The following PPP1R13L variants were observed in gnomAD, a reference collection of about 807,000 sequenced individuals.
PPP1R13L encodes the protein protein phosphatase 1 regulatory subunit 13 like, also known as relA-associated inhibitor.
In PPP1R13L, 50 loss-of-function variants were observed where a neutral mutation model predicts 80.9. The ratio of observed to expected loss-of-function variants is 0.62; its 90% confidence interval spans 0.49 to 0.78. The LOEUF (loss-of-function observed/expected upper bound fraction) is 0.78, where lower values mean the gene tolerates loss of function less well. Among genes scored for constraint, PPP1R13L ranks in the 30% least tolerant of loss-of-function variants. The pLI, the probability that PPP1R13L is intolerant of heterozygous loss-of-function variation, is 0.00. For missense variants in PPP1R13L, 1,200 were observed against 1,205.9 expected (o/e 1.00, Z 0.07); for synonymous variants, 602 against 534.3 (o/e 1.13, Z -1.75).
chr19:45,384,597 A>G (rs530282843), intron 11 of PPP1R13L, among the ~76,000 whole-genome samples: 2 of 151,948 alleles, frequency 1.3e-5, no homozygotes, highest in South Asian at 4.2e-4. Context: ...TCACACCTGA[A>G]TCTTAGCACT....
chr19:45,400,300 G>C (rs1469077734), intron 1 of PPP1R13L, among the ~76,000 whole-genome samples: 2 of 151,922 alleles, frequency 1.3e-5, no homozygotes, highest in Admixed American at 6.6e-5. Context: ...CACTGGCCCA[G>C]TGGGAGGGAG....
chr19:45,402,347 G>A (rs924327038), intron 1 of PPP1R13L, among the ~76,000 whole-genome samples: 5 of 152,226 alleles, frequency 3.3e-5, no homozygotes, highest in African/African-American at 1.2e-4. Context: ...ATCTCCCAAA[G>A]TATTGGGATT....
At position 45,395,841 on chromosome 19, in the gene PPP1R13L, G is replaced by A. The variant is rs1403668963; in HGVS notation, c.949C>T (p.Pro317Ser). The change falls in exon 7 of 13, where the codon CCT (proline) becomes TCT (serine). Residue 317 changes from proline to serine, a missense_variant. Physicochemically the swap from Pro to Ser is moderately conservative, Grantham distance 74 (BLOSUM62 -1). Coordinates refer to ENST00000360957, the MANE Select transcript of PPP1R13L (RefSeq NM_006663.4). ...TCTGAACGCCGGTCGCTGGCCAGAG[G>A]AGAGACCTTGTAATTGCGCGGCAGG... ...ATLPRNYKVS[P>S]LASDRRSDAG... 1.3e-6 allele frequency: 2 copies of A among 1,598,170 alleles called. No individual in the cohort carries two copies. The highest frequency in any genetic ancestry group is 1.1e-5 in the South Asian group (1 of 88,628).
Position 45,395,482 on chromosome 19 carries a change from G to C in PPP1R13L, c.1308C>G (p.Thr436=). The change falls in exon 7 of 13, where the codon ACC becomes ACG. Residue 436 remains threonine (T), a synonymous_variant. Transcript: ENST00000360957. Reference sequence around the variant, plus strand: ...TCTGTTGGGGATGCTGGGGGGCTGGGGTAGGGGTTTGGGGTTGGGTCTGGG... The same window carrying C: ...TCTGTTGGGGATGCTGGGGGGCTGGCGTAGGGGTTTGGGGTTGGGTCTGGG... The part of the protein sequence containing the change: ...PQPQTQPQTP[T]PAPQHPQQTW... 1 of 1,487,456 alleles carries C rather than the reference G, an allele frequency of 6.7e-7. No homozygotes were observed. Among genetic ancestry groups the C allele is most frequent in the Non-Finnish European group, 9.1e-7 (1 of 1,103,592 alleles). The allele number at this position is 1,487,456 out of a possible 1,614,324, so 92.1% of individuals were successfully genotyped here.
intron 8 of PPP1R13L, among the ~76,000 whole-genome samples, chr19:45,390,651 G>A (rs34578429): frequency 0.06 from 9,099 of 152,188 alleles, 840 homozygotes; most frequent in African/African-American, 0.19. Context: ...GCTCCCGGCC[G>A]AATAAAAACC....
intron 3 of PPP1R13L, among the ~76,000 whole-genome samples, chr19:45,397,368 C>A (rs1451257139): frequency 1.4e-5 from 2 of 145,408 alleles, no homozygotes; most frequent in Non-Finnish European, 3.0e-5. Context: ...TTCTTTCTTT[C>A]TCTCTCTTTC....
intron 7 of PPP1R13L, chr19:45,394,774 A>G (rs1321528844): frequency 6.7e-6 from 1 of 150,006 alleles, no homozygotes; most frequent in Non-Finnish European, 1.5e-5. Context: ...CACCTGGCCC[A>G]TCAGGTGCTG....
At chr19:45,391,741 G>T in intron 8 of PPP1R13L, 139 bp downstream of exon 8, 2 of 590,030 alleles carry the variant, frequency 3.4e-6, no homozygotes, top group Non-Finnish European at 5.2e-6. Flanking sequence ...CTACAGTCCT[G>T]GGCTGCAAAC....
intron 6 of PPP1R13L, 47 bp from the exon 7 acceptor site, chr19:45,395,933 T>C: frequency 6.8e-7 from 1 of 1,480,204 alleles, no homozygotes. Context: ...AGAGGGAAGG[T>C]GGAGGGGAGG....
chr19:45,398,575 TTTTTC>T (rs1323731508), intron 1 of PPP1R13L, among the ~76,000 whole-genome samples: 1 of 151,398 alleles, frequency 6.6e-6, no homozygotes, highest in Admixed American at 6.6e-5. Context: ...TCTCTTTCTT[TTTTTC>T]TTTTCTTTTT....
chr19:45,397,156 A>AGCCTCCTCTGGGTTG, intron 3 of PPP1R13L, 98 bp from the exon 4 acceptor site: 3 of 1,007,966 alleles, frequency 3.0e-6, no homozygotes, highest in Non-Finnish European at 3.8e-6. Context: ...ACTGGAGGTC[A>AGCCTCCTCTGGGTTG]ACCCAGAGGA....
At chr19:45,386,631 C>CTTT (rs34881055) in intron 8 of PPP1R13L, among the ~76,000 whole-genome samples, 15 of 133,620 alleles carry the variant, frequency 1.1e-4, no homozygotes, top group African/African-American at 3.1e-4. Context: ...TTCTTTTTCT[C>CTTT]TTTTTTTTTT....
intron 11 of PPP1R13L, among the ~76,000 whole-genome samples, chr19:45,384,165 G>A (rs778519651): frequency 1.3e-5 from 2 of 150,014 alleles, no homozygotes; most frequent in African/African-American, 2.5e-5. Flanking sequence ...CTGCAGCCTC[G>A]AACTTCCAGA....
In PPP1R13L at chr19:45,405,059, C is replaced by T. The variant is rs530031407; in HGVS notation, c.-82G>A. 4.1e-6 allele frequency: 4 copies of T among 985,902 alleles called. No homozygotes were observed. The South Asian group carries it at 1.4e-4, about 35-fold the overall frequency. 61.1% of individuals were successfully genotyped at this position (985,902 alleles called of 1,614,324 possible). On this transcript the variant is annotated 5_prime_UTR_variant, in exon 1 of 13. Coordinates refer to ENST00000360957, the MANE Select transcript of PPP1R13L (RefSeq NM_006663.4). ...CCAGCTCGGGCTCCGGCTTGGGGAG[C>T]GGAGAACGGGGCGGGGCAGGAGCTG...
At position 45,385,532 on chromosome 19, in the gene PPP1R13L, T is replaced by C. The variant is rs372683219; in HGVS notation, c.2248+30A>G. ...TCCCCGCTCCTGCGCACCCGCCAGG[T>C]ACCCAGGCGCCAGCAGCCCTGCCTC... is the stretch of plus-strand genomic sequence containing the variant. On this transcript the variant is annotated intron_variant, in intron 11 of 12. Transcript: ENST00000360957. The C allele has an allele frequency of 2.8e-5, 45 of 1,588,422 alleles. No individual in the cohort carries two copies. The African/African-American group carries it at 5.2e-4, about 18-fold the overall frequency.
At position 45,396,564 on chromosome 19, in the gene PPP1R13L, G is replaced by A. The variant is rs969868156; in HGVS notation, c.693C>T (p.Ala231=). 1.3e-6 allele frequency: 2 copies of A among 1,519,594 alleles called. No individual in the cohort carries two copies. Among genetic ancestry groups the A allele is most frequent in the Non-Finnish European group, 1.8e-6 (2 of 1,141,150 alleles). The allele number at this position is 1,519,594 out of a possible 1,614,324, so 94.1% of individuals were successfully genotyped here. A position where few individuals can be genotyped will look rare whatever the true frequency, so the allele number is the denominator to read the frequency against. ...GTTCACCTTGCGCGCGCAGAGGCGG[G>A]GCGAATGCGCTGCCGCCGGAGCCTA... The part of the protein sequence containing the change: ...SLLGSGGSAF[A]PPLRAQDDLT... Residue 231 remains alanine (A), a synonymous_variant, in exon 4 of 13, where the codon GCC becomes GCT. Transcript: ENST00000360957. This position sits in a 1 kb window ranked among gnomAD's most constrained non-coding sequence, Gnocchi z 5.3.
chr19:45,396,558 A>G lies in PPP1R13L; in HGVS notation c.699T>C (p.Pro233=), dbSNP rs1973098958. The G allele has an allele frequency of 6.5e-7, 1 of 1,529,210 alleles. No homozygotes were observed. Among genetic ancestry groups the G allele is most frequent in the Non-Finnish European group, 8.7e-7 (1 of 1,145,380 alleles). The allele number at this position is 1,529,210 out of a possible 1,614,324, so 94.7% of individuals were successfully genotyped here. Residue 233 remains proline, a synonymous_variant, in exon 4 of 13, where the codon CCT becomes CCC. Coordinates refer to ENST00000360957, the MANE Select transcript of PPP1R13L (RefSeq NM_006663.4). The surrounding 1 kb of genome is among the most constrained non-coding windows in gnomAD (Gnocchi z 5.3). ...CCCTGGGTTCACCTTGCGCGCGCAGAGGCGGGGCGAATGCGCTGCCGCCGG... is the reference window on the plus strand; with the variant it reads ...CCCTGGGTTCACCTTGCGCGCGCAGGGGCGGGGCGAATGCGCTGCCGCCGG... ...LGSGGSAFAP[P]LRAQDDLTLR...
rs534486033 is a variant in PPP1R13L at position 45,384,392 on chromosome 19, G to C, written c.2248+1170C>G. ...AAAAAAAAAAAAAAAAAAAGTTAGC[G>C]GGCCGTGGGGCCCTTGCCTGTAATC... On this transcript the variant is annotated intron_variant, in intron 11 of 12. Coordinates refer to ENST00000360957, the MANE Select transcript of PPP1R13L (RefSeq NM_006663.4). Among the ~76,000 whole-genome samples the C allele has an allele frequency of 2.1e-4, 28 of 133,190 alleles. No individual in the cohort carries two copies. In the East Asian group the frequency reaches 5.6e-3, roughly 27 times the overall value. 87.4% of individuals were successfully genotyped at this position (133,190 alleles called of 152,430 possible). A position where few individuals can be genotyped will look rare whatever the true frequency, so the allele number is the denominator to read the frequency against.
chr19:45,380,068 G>A lies in PPP1R13L; in HGVS notation c.*122C>T. On this transcript the variant is annotated 3_prime_UTR_variant, in exon 13 of 13. Transcript: ENST00000360957. ...CTTCCAGGAGAACAGAGAACCGGTG[G>A]CAAGGACCACCACCAGCAGGGTGAG... 1 of 1,097,462 alleles carries A rather than the reference G, an allele frequency of 9.1e-7. No individual in the cohort carries two copies. The highest frequency in any genetic ancestry group is 1.3e-6 in the Non-Finnish European group (1 of 744,814). 68.0% of individuals were successfully genotyped at this position (1,097,462 alleles called of 1,614,324 possible).
Sources: gnomAD v4.1 joint callset for allele counts (sites outside exome capture counted in the v4.1 genomes callset) on GRCh38, gnomAD v4.1.1 for gene constraint, Gnocchi (gnomAD v3.1) non-coding constraint, MANE v1.5 for transcripts, NCBI Gene and HGNC (gene_info 2026-07-23, HGNC 2026-07-21) for gene names.